The following ZNRF1 variants were observed in gnomAD, a reference collection of about 807,000 sequenced individuals.
ZNRF1 encodes E3 ubiquitin-protein ligase ZNRF1.
Under a neutral mutation model 18.4 loss-of-function variants are expected in ZNRF1, and 3 were observed. The observed-to-expected ratio is 0.16, with a 90% CI of 0.07 to 0.42. ZNRF1 has a LOEUF of 0.42. Among genes scored for constraint, ZNRF1 ranks in the 10% least tolerant of loss-of-function variants. The pLI, the probability that ZNRF1 is intolerant of heterozygous loss-of-function variation, is 0.99. For synonymous variants in ZNRF1, 157 were observed against 144.2 expected, an observed-to-expected ratio of 1.09 and a Z score of -0.64; for missense variants, 310 against 329.8, an observed-to-expected ratio of 0.94 and a Z score of 0.47.
At chr16:75,088,934 C>T (rs1217632267) in intron 1 of ZNRF1, among the ~76,000 whole-genome samples, 4 of 152,178 alleles carry the variant, frequency 2.6e-5, no homozygotes, top group East Asian at 1.9e-4. Context: ...GCACAGTGCT[C>T]GAGAGGTTCA....
intron 1 of ZNRF1, among the ~76,000 whole-genome samples, chr16:75,070,151 A>G (rs1423673249): frequency 6.6e-6 from 1 of 152,186 alleles, no homozygotes; most frequent in Non-Finnish European, 1.5e-5. Context: ...GGTTGACCAG[A>G]TGTCCCTTCT....
chr16:75,090,752 C>T lies in ZNRF1; in HGVS notation c.425-2820C>T, dbSNP rs2036127881. On this transcript the variant is annotated intron_variant, in intron 1 of 4. Transcript: ENST00000335325. The stretch of plus-strand genomic sequence containing the variant: ...CCAGGCCCTGAATTTTCTGCCTGGT[C>T]CCATAGTTCAAAGCACTGCCAATGA... Among the ~76,000 whole-genome samples the T allele has an allele frequency of 2.0e-5, 3 of 152,058 alleles. 1 individual carries two copies. Among genetic ancestry groups the T allele is most frequent in the Non-Finnish European group, 4.4e-5 (3 of 68,020 alleles).
intron 1 of ZNRF1, among the ~76,000 whole-genome samples, chr16:75,003,712 G>C (rs1000673084): frequency 6.6e-5 from 10 of 152,146 alleles, no homozygotes; most frequent in African/African-American, 2.4e-4. Context: ...AGAGTGCTAG[G>C]CTCATCTCCT....
At chr16:75,061,376 A>G (rs567975050) in intron 1 of ZNRF1, among the ~76,000 whole-genome samples, 1 of 151,612 alleles carries the variant, frequency 6.6e-6, no homozygotes, top group African/African-American at 2.4e-5. Context: ...TTTGGTTTTT[A>G]GATCCCACCA....
At chr16:75,070,592 A>G (rs531452881) in intron 1 of ZNRF1, among the ~76,000 whole-genome samples, 4 of 152,290 alleles carry the variant, frequency 2.6e-5, no homozygotes, top group Non-Finnish European at 5.9e-5. Flanking sequence ...TTACATCATA[A>G]GCATACATCC....
chr16:75,036,111 T>G (rs923565690), intron 1 of ZNRF1, among the ~76,000 whole-genome samples: 1 of 152,140 alleles, frequency 6.6e-6, no homozygotes, highest in African/African-American at 2.4e-5. Context: ...TCTGCTCATG[T>G]TTTACTAGCT....
At chr16:75,089,876 A>G (rs189592349) in intron 1 of ZNRF1, among the ~76,000 whole-genome samples, 50 of 152,330 alleles carry the variant, frequency 3.3e-4, no homozygotes, top group Admixed American at 1.0e-3. Context: ...GCTGGAATAC[A>G]GGGGAGTAAA....
intron 1 of ZNRF1, among the ~76,000 whole-genome samples, chr16:75,071,332 T>C (rs2035867595): frequency 6.6e-6 from 1 of 152,148 alleles, no homozygotes; most frequent in South Asian, 2.1e-4. Flanking sequence ...ACTCCTGACC[T>C]CAAGCGATCT....
chr16:75,040,424 C>T (rs1316502072), intron 1 of ZNRF1, among the ~76,000 whole-genome samples: 4 of 151,614 alleles, frequency 2.6e-5, no homozygotes, highest in African/African-American at 9.7e-5. Flanking sequence ...CTGAAAGGGC[C>T]ACTTCAGAAA....
At chr16:75,029,521 C>G (rs1453953653) in intron 1 of ZNRF1, among the ~76,000 whole-genome samples, 1 of 152,154 alleles carries the variant, frequency 6.6e-6, no homozygotes, top group African/African-American at 2.4e-5. Context: ...AATCCCAGCA[C>G]TTTGGGAGGC....
intron 1 of ZNRF1, among the ~76,000 whole-genome samples, chr16:75,018,098 T>TA (rs2035094488): frequency 6.6e-6 from 1 of 152,232 alleles, no homozygotes; most frequent in South Asian, 2.1e-4. Context: ...GTTTGTAGCA[T>TA]ATCCACATCA....
chr16:75,100,105 G>A (rs1197536679), intron 2 of ZNRF1, among the ~76,000 whole-genome samples: 1 of 152,174 alleles, frequency 6.6e-6, no homozygotes, highest in South Asian at 2.1e-4. Context: ...TCCTATTGCC[G>A]GGAACCTCCA....
At chr16:75,099,225 T>C (rs187654261) in intron 2 of ZNRF1, among the ~76,000 whole-genome samples, 3 of 152,296 alleles carry the variant, frequency 2.0e-5, no homozygotes, top group Admixed American at 6.5e-5. Context: ...ACAGGGGCTT[T>C]AGGAGTCATG....
chr16:75,013,962 T>C (rs2035033688), intron 1 of ZNRF1, among the ~76,000 whole-genome samples: 1 of 152,038 alleles, frequency 6.6e-6, no homozygotes, highest in Admixed American at 6.6e-5. Context: ...CCCGAGTAGT[T>C]GGGATTACAG....
At chr16:75,010,570 G>A (rs990990199) in intron 1 of ZNRF1, among the ~76,000 whole-genome samples, 4 of 152,048 alleles carry the variant, frequency 2.6e-5, no homozygotes, top group Non-Finnish European at 5.9e-5. Flanking sequence ...TCTCATCTTG[G>A]TCTTGGTGAA....
chr16:75,100,473 C>A (rs549165607), intron 2 of ZNRF1, among the ~76,000 whole-genome samples: 3 of 152,168 alleles, frequency 2.0e-5, no homozygotes, highest in African/African-American at 7.2e-5. Flanking sequence ...AAGCCTTATC[C>A]TCATACCTGC....
chr16:75,023,449 C>G (rs1348997598), intron 1 of ZNRF1, among the ~76,000 whole-genome samples: 1 of 152,154 alleles, frequency 6.6e-6, no homozygotes, highest in Non-Finnish European at 1.5e-5. Flanking sequence ...TTTGGGAGGC[C>G]AAGGTGGATG....
chr16:75,099,716 A>G (rs150160494), intron 2 of ZNRF1, among the ~76,000 whole-genome samples: 6 of 152,320 alleles, frequency 3.9e-5, no homozygotes, highest in Non-Finnish European at 8.8e-5. Flanking sequence ...ATTTGACTCC[A>G]TCTGCAGCAG....
intron 2 of ZNRF1, among the ~76,000 whole-genome samples, chr16:75,098,432 T>C (rs1222420739): frequency 6.6e-6 from 1 of 152,080 alleles, no homozygotes; most frequent in Non-Finnish European, 1.5e-5. Context: ...TGCATTGCAC[T>C]TCAAAGGGCT....
Sources: gnomAD v4.1 joint callset for allele counts (sites outside exome capture counted in the v4.1 genomes callset) on GRCh38, gnomAD v4.1.1 for gene constraint, MANE v1.5 for transcripts, NCBI Gene and HGNC (gene_info 2026-07-23, HGNC 2026-07-21) for gene names.